Variants in ZBTB20 observed in about 807,000 individuals in gnomAD.
The protein encoded by ZBTB20 is zinc finger and BTB domain-containing protein 20.
A neutral mutation model predicts 56.9 loss-of-function variants in ZBTB20; 9 were observed. The observed-to-expected ratio is 0.16, with a 90% CI of 0.10 to 0.28. ZBTB20 has a LOEUF of 0.28. Ranked by LOEUF, ZBTB20 falls within the 10% of genes least tolerant of loss-of-function variation. The probability of loss-of-function intolerance (pLI) is 1.00; values close to 1 mark genes in which losing one functional copy is unlikely to be tolerated. For missense variants in ZBTB20, 655 were observed against 1,003.0 expected, an observed-to-expected ratio of 0.65 and a Z score of 4.69; for synonymous variants, 417 against 420.7, an observed-to-expected ratio of 0.99 and a Z score of 0.11.
chr3:114,551,615 T>C (rs893715194), intron 6 of ZBTB20, among the ~76,000 whole-genome samples: 3 of 152,184 alleles, frequency 2.0e-5, no homozygotes, highest in Non-Finnish European at 2.9e-5. Context: ...TGAAGAATGA[T>C]AGATTGGAAG....
intron 6 of ZBTB20, among the ~76,000 whole-genome samples, chr3:114,644,203 G>T (rs1218966076): frequency 1.3e-5 from 2 of 151,968 alleles, no homozygotes; most frequent in Non-Finnish European, 2.9e-5. Context: ...AAATAAAATA[G>T]CTCAATACCA....
chr3:114,454,163 G>A (rs1239585571), intron 7 of ZBTB20, among the ~76,000 whole-genome samples: 5 of 123,322 alleles, frequency 4.1e-5, no homozygotes, highest in African/African-American at 1.6e-4. Flanking sequence ...GGAAGAGAGA[G>A]GAAAAGAGAA....
At chr3:114,910,384 T>C (rs553341624) in intron 3 of ZBTB20, among the ~76,000 whole-genome samples, 3 of 151,918 alleles carry the variant, frequency 2.0e-5, no homozygotes, top group South Asian at 4.2e-4. Context: ...TTTAAAAATC[T>C]GTTGAGGTCT....
At chr3:114,348,750 T>A (rs2080398543) in intron 11 of ZBTB20, among the ~76,000 whole-genome samples, 1 of 152,240 alleles carries the variant, frequency 6.6e-6, no homozygotes, top group Non-Finnish European at 1.5e-5. Flanking sequence ...TTCCTTCCCT[T>A]CAGTCCCCAA....
chr3:115,095,262 C>G (rs1191303915), intron 1 of ZBTB20, among the ~76,000 whole-genome samples: 2 of 152,120 alleles, frequency 1.3e-5, no homozygotes, highest in African/African-American at 4.8e-5. Flanking sequence ...TTCCTTGTCT[C>G]AGTATTCTCA....
intron 6 of ZBTB20, among the ~76,000 whole-genome samples, chr3:114,590,241 G>C (rs2055606496): frequency 6.6e-6 from 1 of 151,994 alleles, no homozygotes; most frequent in South Asian, 2.1e-4. Context: ...GATCACCTGA[G>C]GTCAGGAGTT....
At chr3:114,891,760 A>T (rs1375124658) in intron 4 of ZBTB20, among the ~76,000 whole-genome samples, 2 of 152,196 alleles carry the variant, frequency 1.3e-5, no homozygotes, top group Non-Finnish European at 2.9e-5. Context: ...ATTTTTTAAA[A>T]ATCCAGCCAG....
At chr3:114,469,609 A>G (rs2039891386) in intron 7 of ZBTB20, among the ~76,000 whole-genome samples, 1 of 152,152 alleles carries the variant, frequency 6.6e-6, no homozygotes, top group Non-Finnish European at 1.5e-5. Flanking sequence ...TTCTTAACAG[A>G]TTTTGGTTTT....
intron 6 of ZBTB20, among the ~76,000 whole-genome samples, chr3:114,625,926 G>C (rs1208049054): frequency 2.0e-5 from 3 of 152,136 alleles, no homozygotes; most frequent in Non-Finnish European, 4.4e-5. Flanking sequence ...AAAAGTCTTG[G>C]TATCTGAACA....
At chr3:114,534,149 A>G (rs2048180590) in intron 6 of ZBTB20, among the ~76,000 whole-genome samples, 1 of 152,234 alleles carries the variant, frequency 6.6e-6, no homozygotes, top group Non-Finnish European at 1.5e-5. Flanking sequence ...TGTTAATCTT[A>G]AATGTAAATG....
chr3:114,635,867 G>A (rs1362240341), intron 6 of ZBTB20, among the ~76,000 whole-genome samples: 2 of 151,654 alleles, frequency 1.3e-5, no homozygotes, highest in African/African-American at 2.4e-5. Context: ...GAGGGAAAGG[G>A]GTAGAAAGCC....
At chr3:114,392,913 A>G (rs543750670) in intron 7 of ZBTB20, among the ~76,000 whole-genome samples, 1 of 152,336 alleles carries the variant, frequency 6.6e-6, no homozygotes, top group South Asian at 2.1e-4. Context: ...AGGAAAACAG[A>G]CTTTTCCAGG....
intron 3 of ZBTB20, among the ~76,000 whole-genome samples, chr3:114,954,566 G>A (rs1045316238): frequency 1.3e-5 from 2 of 152,120 alleles, no homozygotes; most frequent in African/African-American, 4.8e-5. Flanking sequence ...GGATTAGTAA[G>A]AAAGTCCTAC....
At chr3:114,730,421 A>C (rs1279526361) in intron 5 of ZBTB20, among the ~76,000 whole-genome samples, 3 of 152,156 alleles carry the variant, frequency 2.0e-5, no homozygotes, top group Non-Finnish European at 4.4e-5. Flanking sequence ...ATATTAGGCA[A>C]TGTTATGGGC....
intron 4 of ZBTB20, among the ~76,000 whole-genome samples, chr3:114,878,909 A>G (rs1370981898): frequency 2.0e-5 from 3 of 152,220 alleles, no homozygotes; most frequent in African/African-American, 7.2e-5. Flanking sequence ...AAATGCTTCA[A>G]GATTATAACA....
chr3:114,390,168 ATTTG>A (rs1009800485), intron 7 of ZBTB20, among the ~76,000 whole-genome samples: 6 of 151,958 alleles, frequency 3.9e-5, no homozygotes, highest in Non-Finnish European at 7.4e-5. Flanking sequence ...GTCACGTGGT[ATTTG>A]TTTTTCTGTG....
At chr3:114,576,837 G>A (rs1313433365) in intron 6 of ZBTB20, among the ~76,000 whole-genome samples, 3 of 151,512 alleles carry the variant, frequency 2.0e-5, no homozygotes, top group Admixed American at 2.0e-4. Flanking sequence ...GACCAAGCAA[G>A]CATAAAAACA....
intron 5 of ZBTB20, among the ~76,000 whole-genome samples, chr3:114,750,757 C>A (rs2067497045): frequency 6.6e-6 from 1 of 152,186 alleles, no homozygotes; most frequent in Non-Finnish European, 1.5e-5. Context: ...GTAGCTACCA[C>A]TGTAACTAGC....
At chr3:114,882,051 A>T (rs536099685) in intron 4 of ZBTB20, among the ~76,000 whole-genome samples, 7 of 152,038 alleles carry the variant, frequency 4.6e-5, no homozygotes, top group African/African-American at 1.7e-4. Context: ...TATGTCTAAC[A>T]CATACTACAG....
Sources: gnomAD v4.1 joint callset for allele counts (sites outside exome capture counted in the v4.1 genomes callset) on GRCh38, gnomAD v4.1.1 for gene constraint, MANE v1.5 for transcripts, NCBI Gene and HGNC (gene_info 2026-07-23, HGNC 2026-07-21) for gene names.